KIF9: variants seen among roughly 807,000 people sequenced by gnomAD.
The protein encoded by KIF9 is kinesin family member 9, also known as kinesin-like protein KIF9.
In KIF9, 68 loss-of-function variants were observed where a neutral mutation model predicts 94.8. The ratio of observed to expected loss-of-function variants is 0.72; its 90% CI spans 0.59 to 0.88. The LOEUF (loss-of-function observed/expected upper bound fraction) is 0.88. Ranked by LOEUF, KIF9 falls within the 40% of genes least tolerant of loss-of-function variation. The pLI is 0.00. For synonymous variants in KIF9, 343 were observed against 362.1 expected, an observed-to-expected ratio of 0.95 and a Z score of 0.60; for missense variants, 882 against 982.5, an observed-to-expected ratio of 0.90 and a Z score of 1.37.
In KIF9 at chr3:47,243,180, G is replaced by A. The variant is rs1559430621; in HGVS notation, c.1580C>T (p.Thr527Ile). ...GGATGGGACCAGCTGGGTCTTGGAG[G>A]TGGAAACGTAATCCAAGTCCTTCCC... is the stretch of plus-strand genomic sequence containing the variant. ...VNGKDLDYVS[T>I]SKTQLVPSSK... Residue 527 changes from threonine to isoleucine, a missense_variant, in exon 16 of 21, where the codon ACC becomes ATC. Physicochemically the swap from Thr to Ile is moderately conservative, Grantham distance 89. Coordinates refer to ENST00000684063, the MANE Select transcript of KIF9 (RefSeq NM_182902.4). The A allele has an allele frequency of 1.2e-6, 2 of 1,613,824 alleles. No individual in the cohort carries two copies. Among genetic ancestry groups the A allele is most frequent in the Non-Finnish European group, 1.7e-6 (2 of 1,179,800 alleles).
intron 4 of KIF9, among the ~76,000 whole-genome samples, chr3:47,272,870 A>G (rs1017205294): frequency 6.6e-6 from 1 of 152,192 alleles, no homozygotes; most frequent in African/African-American, 2.4e-5. Context: ...TGGTTCACAT[A>G]CTAGAGGAAT....
rs1222105939 is a variant in KIF9, at chr3:47,261,466, TGGCAGTGACGAACA to T, written c.981+2806_981+2819del. 7.2e-5 allele frequency among the ~76,000 whole-genome samples: 11 copies of T among 152,244 alleles called. No individual in the cohort carries two copies. In the East Asian group the frequency reaches 1.7e-3, roughly 24 times the overall value. The stretch of plus-strand genomic sequence containing the variant: ...AGCTGAGGGGTGGAGAGCTCCTCCT[TGGCAGTGACGAACA>T]GCCAGGGGCCTCAGGAGGCAGGCCC... On this transcript the variant is annotated intron_variant, in intron 9 of 20. Coordinates refer to ENST00000684063, the MANE Select transcript of KIF9 (RefSeq NM_182902.4).
rs1477955701 is a variant in KIF9, at chr3:47,240,985, G to A, written c.1740C>T (p.Ala580=). 2 of 1,613,974 alleles carry A rather than the reference G, an allele frequency of 1.2e-6. No individual in the cohort carries two copies. The highest frequency in any genetic ancestry group is 2.7e-5 in the African/African-American group (2 of 74,890). ...RPDTPPSKPV[A]FEEFKNEQGS... ...CTTGCTCATTCTTAAACTCCTCAAA[G>A]GCCACTGGTTTGGAGGGTGGGGTGT... The change falls in exon 17 of 21, where the codon GCC becomes GCT. Residue 580 remains alanine, a synonymous_variant. Transcript: ENST00000684063.
At chr3:47,281,754 C>A (rs1446810507) in intron 1 of KIF9, among the ~76,000 whole-genome samples, 2 of 152,192 alleles carry the variant, frequency 1.3e-5, no homozygotes, top group Non-Finnish European at 2.9e-5. Context: ...CACCAGGAGA[C>A]TTCTGTGTTA....
chr3:47,265,690 CACAG>C, intron 8 of KIF9, 36 bp downstream of exon 8: 3 of 1,605,838 alleles, frequency 1.9e-6, no homozygotes, highest in Non-Finnish European at 2.6e-6. Context: ...TCCCCAAAGA[CACAG>C]ACCCTCCTCC....
At chr3:47,239,035 C>T (rs1436196154) in intron 17 of KIF9, among the ~76,000 whole-genome samples, 1 of 152,150 alleles carries the variant, frequency 6.6e-6, no homozygotes, top group Non-Finnish European at 1.5e-5. Context: ...CCCATCTCTA[C>T]TAAAAACACA....
rs929893300 is a variant in KIF9 at position 47,277,442 on chromosome 3, G to A, written c.-5-63C>T. Reference sequence around the variant, plus strand: ...TATCAAATAACAAGTAGAGGAGAGGGGTCATTCATTAAGAAGATCAGAAAA... The same window carrying A: ...TATCAAATAACAAGTAGAGGAGAGGAGTCATTCATTAAGAAGATCAGAAAA... On this transcript the variant is annotated intron_variant, in intron 1 of 20. Transcript: ENST00000684063. 8 of 1,074,390 alleles carry A rather than the reference G, an allele frequency of 7.4e-6. No homozygotes were observed. The African/African-American group carries it at 9.4e-5, about 13-fold the overall frequency. The allele number at this position is 1,074,390 out of a possible 1,614,324, so 66.6% of individuals were successfully genotyped here.
intron 20 of KIF9, among the ~76,000 whole-genome samples, chr3:47,235,252 C>T (rs1698932894): frequency 6.6e-6 from 1 of 152,202 alleles, no homozygotes; most frequent in South Asian, 2.1e-4. Context: ...CTCAGGGGAT[C>T]CCTGGGCCTT....
rs190822230 is a variant in KIF9 at position 47,241,671 on chromosome 3, G to A, written c.1710-656C>T. On this transcript the variant is annotated intron_variant, in intron 16 of 20. Transcript: ENST00000684063. ...TGTGTATATATATATGTGTGTGTGT[G>A]TATATACATATATGCATATATACAT... 9.9e-3 allele frequency among the ~76,000 whole-genome samples: 1,478 copies of A among 148,698 alleles called. 30 individuals carry two copies. The highest frequency in any genetic ancestry group is 0.035 in the African/African-American group (1,423 of 40,328).
chr3:47,247,390 T>C lies in KIF9; in HGVS notation c.1216A>G (p.Thr406Ala), dbSNP rs559396840. ...TTCCTTACGTCGATCTCGTCCAGTG[T>C]CCCCTCCAGGTACCTCCGCACCTGG... The part of the protein sequence containing the change: ...NSQVRRYLEG[T>A]LDEIDIISLR... Residue 406 changes from threonine to alanine, a missense_variant, in exon 12 of 21, where the codon ACA (threonine) becomes GCA (alanine). Thr to Ala is a moderately conservative substitution (Grantham distance 58, BLOSUM62 0). Transcript: ENST00000684063. The C allele has an allele frequency of 6.2e-7, 1 of 1,612,682 alleles. No homozygotes were observed. Among genetic ancestry groups the C allele is most frequent in the African/African-American group, 1.3e-5 (1 of 74,998 alleles).
chr3:47,237,157 C>T (rs1293673427), intron 17 of KIF9, among the ~76,000 whole-genome samples: 1 of 152,152 alleles, frequency 6.6e-6, no homozygotes, highest in Non-Finnish European at 1.5e-5. Flanking sequence ...TGCAGTGGCA[C>T]AATCTCGGCT....
chr3:47,231,431 T>TA (rs1698576720), intron 20 of KIF9, among the ~76,000 whole-genome samples: 1 of 119,200 alleles, frequency 8.4e-6, no homozygotes, highest in Non-Finnish European at 1.8e-5. Context: ...TTTTTTTTTT[T>TA]AGACAGTTTC....
intron 14 of KIF9, chr3:47,245,138 G>A (rs542331308): frequency 2.4e-5 from 15 of 619,488 alleles, no homozygotes; most frequent in Non-Finnish European, 4.2e-5. Flanking sequence ...CCCCTCACCA[G>A]TATGGCACCT....
In KIF9 at chr3:47,282,608, C is replaced by G. The variant is rs1263113615; in HGVS notation, c.-119G>C. 2 of 1,112,432 alleles carry G rather than the reference C, an allele frequency of 1.8e-6. No homozygotes were observed. The highest frequency in any genetic ancestry group is 2.2e-6 in the Non-Finnish European group (2 of 905,652). 68.9% of individuals were successfully genotyped at this position (1,112,432 alleles called of 1,614,324 possible). A position where few individuals can be genotyped will look rare whatever the true frequency, so the allele number is the denominator to read the frequency against. On this transcript the variant is annotated 5_prime_UTR_variant, in exon 1 of 21. Transcript: ENST00000684063. ...TAGTCGCCATGGCAACGGGTCGCTT[C>G]CGGGGATTCCGGAAGTGTCGGGGTG...
At chr3:47,256,278 C>T (rs377472528) in intron 10 of KIF9, among the ~76,000 whole-genome samples, 2 of 151,624 alleles carry the variant, frequency 1.3e-5, no homozygotes, top group African/African-American at 4.9e-5. Flanking sequence ...AAGTGAGGAG[C>T]GTCTCTGCCC....
Position 47,257,537 on chromosome 3 carries a change from G to A in KIF9, c.1005C>T (p.Ser335=). ...GCTCAGTGGTGACTAGCTTCATCCT[G>A]CTGGCAAATCTCAGTGAAGATAGCT... is the stretch of plus-strand genomic sequence containing the variant. The part of the protein sequence containing the change: ...EETLSSLRFA[S]RMKLVTTEPA... Residue 335 remains serine, a synonymous_variant, in exon 10 of 21, where the codon AGC becomes AGT. Coordinates refer to ENST00000684063, the MANE Select transcript of KIF9 (RefSeq NM_182902.4). The A allele has an allele frequency of 6.2e-7, 1 of 1,613,720 alleles. No individual in the cohort carries two copies. Among genetic ancestry groups the A allele is most frequent in the South Asian group, 1.1e-5 (1 of 91,074 alleles).
intron 20 of KIF9, among the ~76,000 whole-genome samples, chr3:47,231,199 C>T (rs886122628): frequency 2.6e-5 from 4 of 152,048 alleles, no homozygotes; most frequent in African/African-American, 9.7e-5. Flanking sequence ...AAAAAGATAA[C>T]GGTTCCAATA....
At position 47,271,230 on chromosome 3, in the gene KIF9, A is replaced by G; in HGVS notation, c.591+7T>C. 6.2e-7 allele frequency: 1 copy of G among 1,601,740 alleles called. No individual in the cohort carries two copies. Among genetic ancestry groups the G allele is most frequent in the Non-Finnish European group, 8.5e-7 (1 of 1,169,796 alleles). ...AGGAAAGGAACCCTCAGGTTTTATT[A>G]TCTCACCTCAAAAAGGAGGCTGAAT... On this transcript the variant is annotated splice_region_variant and intron_variant, in intron 5 of 20. Transcript: ENST00000684063.
chr3:47,282,054 A>G (rs1702404032), intron 1 of KIF9: 3 of 283,806 alleles, frequency 1.1e-5, no homozygotes, highest in Non-Finnish European at 1.6e-5. Context: ...CCTTTTTCTC[A>G]CCCAATGTGC....
Sources: gnomAD v4.1 joint callset for allele counts (sites outside exome capture counted in the v4.1 genomes callset) on GRCh38, gnomAD v4.1.1 for gene constraint, MANE v1.5 for transcripts, NCBI Gene and HGNC (gene_info 2026-07-23, HGNC 2026-07-21) for gene names.